CGGBP1: variants seen among roughly 807,000 people sequenced by gnomAD.
The protein encoded by CGGBP1 is CGG triplet repeat-binding protein 1.
CGGBP1 carries 4 observed loss-of-function variants against 11.4 expected under a neutral mutation model. The ratio of observed to expected loss-of-function variants is 0.35; its 90% CI spans 0.17 to 0.80. The LOEUF (loss-of-function observed/expected upper bound fraction) is 0.80, where lower values mean the gene tolerates loss of function less well. Among genes scored for constraint, CGGBP1 ranks in the 30% least tolerant of loss-of-function variants. The pLI, the probability that CGGBP1 is intolerant of heterozygous loss-of-function variation, is 0.52. For synonymous variants in CGGBP1, 76 were observed against 74.1 expected (o/e 1.03, Z -0.13); for missense variants, 135 against 202.1 (o/e 0.67, Z 2.01).
At chr3:88,124,556 T>C (rs536887229) in intron 2 of CGGBP1, among the ~76,000 whole-genome samples, 19 of 152,358 alleles carry the variant, frequency 1.2e-4, no homozygotes, top group African/African-American at 4.6e-4. Context: ...CAGCAAATTA[T>C]GAAAGAATAT....
intron 2 of CGGBP1, among the ~76,000 whole-genome samples, chr3:88,092,353 C>G (rs1487092005): frequency 6.6e-6 from 1 of 151,938 alleles, no homozygotes; most frequent in Non-Finnish European, 1.5e-5. Context: ...TGTTACAGAG[C>G]TAAGAGATAT....
chr3:88,125,982 C>T (rs1041432893), intron 2 of CGGBP1, among the ~76,000 whole-genome samples: 2 of 152,108 alleles, frequency 1.3e-5, no homozygotes, highest in African/African-American at 4.8e-5. Flanking sequence ...CATGGGGTTT[C>T]GACACCCTAC....
Position 88,056,215 on chromosome 3 carries a change from T to A in CGGBP1, c.-23-216A>T, listed in dbSNP as rs527260818. The A allele has an allele frequency of 1.8e-5, 7 of 396,434 alleles. No individual in the cohort carries two copies. The South Asian group carries it at 4.3e-4, about 24-fold the overall frequency. The allele number at this position is 396,434 out of a possible 1,614,324, so 24.6% of individuals were successfully genotyped here. A position where few individuals can be genotyped will look rare whatever the true frequency, so the allele number is the denominator to read the frequency against. On this transcript the variant is annotated intron_variant, in intron 3 of 3. Transcript: ENST00000482016. ...ACCAGTCGCAATCAGGTCCATTCCT[T>A]GATTTTTACGAAATTCAAGTAAATT... is the stretch of plus-strand genomic sequence containing the variant.
intron 2 of CGGBP1, among the ~76,000 whole-genome samples, chr3:88,096,464 C>T (rs1704066615): frequency 6.6e-6 from 1 of 152,104 alleles, no homozygotes; most frequent in African/African-American, 2.4e-5. Context: ...TTCCTCCTGA[C>T]TTCTGACTTC....
chr3:88,106,967 A>T (rs1393159923), intron 2 of CGGBP1, among the ~76,000 whole-genome samples: 1 of 152,012 alleles, frequency 6.6e-6, no homozygotes, highest in Non-Finnish European at 1.5e-5. Context: ...TCATTAGCCT[A>T]TTTGTCTGTT....
intron 2 of CGGBP1, among the ~76,000 whole-genome samples, chr3:88,065,201 G>A (rs1306999493): frequency 5.3e-5 from 8 of 151,996 alleles, no homozygotes; most frequent in Non-Finnish European, 7.4e-5. Flanking sequence ...ACATCAACTC[G>A]TTTATTATAA....
At chr3:88,127,876 G>C (rs1172545412) in intron 2 of CGGBP1, among the ~76,000 whole-genome samples, 1 of 152,156 alleles carries the variant, frequency 6.6e-6, no homozygotes, top group African/African-American at 2.4e-5. Flanking sequence ...CCAGAGTGAA[G>C]TTATCTTTGC....
At chr3:88,145,963 C>T (rs74726170) in intron 1 of CGGBP1, among the ~76,000 whole-genome samples, 1,608 of 152,264 alleles carry the variant, frequency 0.011, 29 homozygotes, top group African/African-American at 0.036. Context: ...CATTGTGCCA[C>T]ACACTTTTCC....
At chr3:88,147,584 C>T (rs529831834) in intron 1 of CGGBP1, among the ~76,000 whole-genome samples, 1 of 152,326 alleles carries the variant, frequency 6.6e-6, no homozygotes, top group African/African-American at 2.4e-5. Context: ...AGTCACTAGC[C>T]ATGTGTGGCT....
At chr3:88,135,531 A>G (rs4596173) in intron 2 of CGGBP1, 130,304 of 165,222 alleles carry the variant, frequency 0.79, 52,352 homozygotes, top group South Asian at 0.91. Context: ...TGTATCTATC[A>G]ATAATACCAC....
intron 2 of CGGBP1, chr3:88,128,982 T>C: frequency 6.5e-7 from 1 of 1,534,738 alleles, no homozygotes; most frequent in Non-Finnish European, 8.7e-7. Flanking sequence ...TCTGTTTATG[T>C]CACCTGTAGA....
chr3:88,113,633 G>T (rs1258913751), intron 2 of CGGBP1, among the ~76,000 whole-genome samples: 2 of 152,072 alleles, frequency 1.3e-5, no homozygotes, highest in Non-Finnish European at 1.5e-5. Flanking sequence ...AGAGAAGAGA[G>T]TAAATTCAGA....
chr3:88,124,136 A>G (rs1705943455), intron 2 of CGGBP1, among the ~76,000 whole-genome samples: 1 of 152,252 alleles, frequency 6.6e-6, no homozygotes, highest in South Asian at 2.1e-4. Context: ...AAAATACTAG[A>G]AGAAATAATA....
At chr3:88,069,619 A>G (rs1302286746) in intron 2 of CGGBP1, among the ~76,000 whole-genome samples, 1 of 152,214 alleles carries the variant, frequency 6.6e-6, no homozygotes, top group African/African-American at 2.4e-5. Flanking sequence ...GCAAGCTTCA[A>G]CATTCACATC....
chr3:88,139,492 A>G lies in CGGBP1; in HGVS notation c.-229+1478T>C. The G allele has an allele frequency of 3.1e-6, 5 of 1,613,746 alleles. No homozygotes were observed. The highest frequency in any genetic ancestry group is 4.2e-6 in the Non-Finnish European group (5 of 1,179,772). ...AGGCAGCAAATTGCTGCAGCTCAACAGGATGATCAGGAAGTCACTGCTTTG... is the reference window on the plus strand; with the variant it reads ...AGGCAGCAAATTGCTGCAGCTCAACGGGATGATCAGGAAGTCACTGCTTTG... On this transcript the variant is annotated intron_variant, in intron 2 of 3. Transcript: ENST00000462901.
intron 2 of CGGBP1, among the ~76,000 whole-genome samples, chr3:88,114,756 G>A (rs1031211461): frequency 5.3e-5 from 8 of 152,104 alleles, no homozygotes; most frequent in African/African-American, 1.9e-4. Flanking sequence ...AGCTTATGCT[G>A]TGGGTGCTTC....
chr3:88,071,697 A>G lies in CGGBP1; in HGVS notation c.-228-13474T>C, dbSNP rs547061754. ...CGGGTGCCTTTAATCTCAGCTATTCAGGAGGATGAGGCAAGAGAATCACTT... is the reference window on the plus strand; with the variant it reads ...CGGGTGCCTTTAATCTCAGCTATTCGGGAGGATGAGGCAAGAGAATCACTT... On this transcript the variant is annotated intron_variant, in intron 2 of 3. Coordinates refer to the CGGBP1 transcript ENST00000462901. Among the ~76,000 whole-genome samples the G allele has an allele frequency of 2.0e-5, 3 of 151,968 alleles. No individual in the cohort carries two copies. The South Asian group carries it at 6.2e-4, about 32-fold the overall frequency.
chr3:88,109,111 G>C (rs1704924900), intron 2 of CGGBP1, among the ~76,000 whole-genome samples: 1 of 149,232 alleles, frequency 6.7e-6, no homozygotes, highest in South Asian at 2.1e-4. Flanking sequence ...AAGGGGTCTG[G>C]TAATGTATCC....
intron 2 of CGGBP1, chr3:88,139,244 T>C (rs1302086323): frequency 1.4e-5 from 22 of 1,519,334 alleles, no homozygotes; most frequent in Non-Finnish European, 1.9e-5. Flanking sequence ...GTCATATTAA[T>C]ACGAAGAAAA....
Sources: allele counts gnomAD v4.1 joint callset (sites outside exome capture counted in the v4.1 genomes callset), GRCh38; gene constraint gnomAD v4.1.1; transcripts MANE v1.5; gene names NCBI Gene and HGNC (gene_info 2026-07-23, HGNC 2026-07-21).